LEKR1: variants seen among roughly 807,000 people sequenced by gnomAD.
LEKR1 encodes the protein protein LEKR1.
A neutral mutation model predicts 72.4 loss-of-function variants in LEKR1; 59 were observed. The observed-to-expected ratio is 0.82, with a 90% CI of 0.66 to 1.01. LEKR1 has a LOEUF of 1.01. Among genes scored for constraint, LEKR1 ranks in the 50% least tolerant of loss-of-function variants. The pLI, the probability that LEKR1 is intolerant of heterozygous loss-of-function variation, is 0.00. For missense variants in LEKR1, 728 were observed against 759.2 expected, an observed-to-expected ratio of 0.96 and a Z score of 0.48; for synonymous variants, 257 against 263.2, an observed-to-expected ratio of 0.98 and a Z score of 0.23.
intron 6 of LEKR1, among the ~76,000 whole-genome samples, chr3:156,968,609 A>G (rs1338107043): frequency 6.6e-6 from 1 of 152,174 alleles, no homozygotes. Flanking sequence ...CAGGAGCACC[A>G]AGATTCATAA....
chr3:156,879,725 T>G (rs1040880232), intron 3 of LEKR1, among the ~76,000 whole-genome samples: 9 of 152,164 alleles, frequency 5.9e-5, no homozygotes, highest in African/African-American at 2.2e-4. Context: ...AGGGATTCTG[T>G]GCTGTGTGCA....
intron 9 of LEKR1, among the ~76,000 whole-genome samples, chr3:156,999,680 T>G (rs1731862711): frequency 6.6e-6 from 1 of 152,198 alleles, no homozygotes. Context: ...TACCAAGCCC[T>G]GTGTCCATAG....
At chr3:156,895,896 G>A (rs1461656520) in intron 3 of LEKR1, among the ~76,000 whole-genome samples, 1 of 152,086 alleles carries the variant, frequency 6.6e-6, no homozygotes, top group African/African-American at 2.4e-5. Flanking sequence ...CTATTATAAA[G>A]ACACATGCAC....
rs760485792 is a variant in LEKR1 at position 156,829,317 on chromosome 3, AT to A, written c.-9del. ...TTTGGCTTCAAAGCTCTCTCACCAT[AT>A]TTTGGGAAGTTATGGATCATCACAT... On this transcript the variant is annotated 5_prime_UTR_variant, in exon 2 of 13. Transcript: ENST00000356539. The A allele has an allele frequency of 7.7e-5, 117 of 1,525,494 alleles. No homozygotes were observed. Among genetic ancestry groups the A allele is most frequent in the Non-Finnish European group, 9.4e-5 (107 of 1,137,874 alleles). The allele number at this position is 1,525,494 out of a possible 1,614,324, so 94.5% of individuals were successfully genotyped here. A position where few individuals can be genotyped will look rare whatever the true frequency, so the allele number is the denominator to read the frequency against.
intron 3 of LEKR1, among the ~76,000 whole-genome samples, chr3:156,888,699 C>T (rs1720355213): frequency 6.6e-6 from 1 of 152,094 alleles, no homozygotes; most frequent in African/African-American, 2.4e-5. Context: ...TTCAAGTTTT[C>T]TGTTAAAAGC....
At position 156,930,487 on chromosome 3, in the gene LEKR1, A is replaced by G. The variant is rs142204972; in HGVS notation, c.559+2883A>G. On this transcript the variant is annotated intron_variant, in intron 5 of 12. Transcript: ENST00000356539. ...ATTCATTTTGTTGGACTATATTTGT[A>G]TTTTATGTGACATGGCAGAATATTT... Among the ~76,000 whole-genome samples the G allele has an allele frequency of 5.3e-5, 8 of 152,218 alleles. No homozygotes were observed. In the East Asian group the frequency reaches 1.5e-3, roughly 29 times the overall value.
chr3:156,976,782 C>G (rs1729732145), intron 6 of LEKR1, among the ~76,000 whole-genome samples: 1 of 152,072 alleles, frequency 6.6e-6, no homozygotes, highest in Non-Finnish European at 1.5e-5. Context: ...TCAGGCAGAC[C>G]TGAGTTTGAA....
intron 3 of LEKR1, among the ~76,000 whole-genome samples, chr3:156,911,081 G>C (rs1281724826): frequency 6.6e-6 from 1 of 152,020 alleles, no homozygotes; most frequent in Non-Finnish European, 1.5e-5. Context: ...TTCCTCTAAC[G>C]ACTAGAGATG....
intron 3 of LEKR1, among the ~76,000 whole-genome samples, chr3:156,881,290 A>G (rs1461587127): frequency 6.6e-6 from 1 of 152,140 alleles, no homozygotes; most frequent in East Asian, 1.9e-4. Flanking sequence ...CTGATAAGCA[A>G]CTTCAGCAAA....
chr3:156,993,051 G>A, intron 8 of LEKR1, 23 bp from the exon 9 acceptor site: 1 of 1,326,920 alleles, frequency 7.5e-7, no homozygotes, highest in Non-Finnish European at 1.1e-6. Context: ...ATGTTGGTGG[G>A]TGTTTTTCCT....
At chr3:156,866,486 C>T (rs541440243) in intron 3 of LEKR1, among the ~76,000 whole-genome samples, 7 of 151,980 alleles carry the variant, frequency 4.6e-5, no homozygotes, top group Non-Finnish European at 2.9e-5. Context: ...AATTCTTAGT[C>T]GTTGATGATA....
chr3:156,924,395 A>G (rs1724512761), intron 4 of LEKR1: 2 of 538,406 alleles, frequency 3.7e-6, no homozygotes, highest in Middle Eastern at 4.8e-4. Context: ...TGATTTGCAA[A>G]TATTTTCTCC....
At chr3:156,830,240 G>A (rs541923138) in intron 2 of LEKR1, among the ~76,000 whole-genome samples, 2 of 152,328 alleles carry the variant, frequency 1.3e-5, no homozygotes, top group South Asian at 4.1e-4. Context: ...GATAATCATG[G>A]CCATGTGAGC....
At chr3:157,005,630 CATA>C (rs557981868) in intron 9 of LEKR1, among the ~76,000 whole-genome samples, 60 of 152,080 alleles carry the variant, frequency 3.9e-4, no homozygotes, top group African/African-American at 1.4e-3. Flanking sequence ...TGGAGTTTAT[CATA>C]AGAATATAGG....
intron 10 of LEKR1, among the ~76,000 whole-genome samples, chr3:157,014,294 T>C (rs938930244): frequency 1.3e-5 from 2 of 152,098 alleles, no homozygotes; most frequent in Non-Finnish European, 2.9e-5. Flanking sequence ...ACTAATGACC[T>C]CATTTAAAAT....
rs536052915 is a variant in LEKR1, at chr3:156,836,302, G to A, written c.48+6925G>A. ...TTTTGTGGGTTTCATGAGGAAAACA[G>A]GTTTTTCCCTAAATGGGGCCCGTGG... On this transcript the variant is annotated intron_variant, in intron 2 of 12. Coordinates refer to ENST00000356539, the MANE Select transcript of LEKR1 (RefSeq NM_001004316.3). Among the ~76,000 whole-genome samples, 4 of 152,110 alleles carry A rather than the reference G, an allele frequency of 2.6e-5. No individual in the cohort carries two copies. The South Asian group carries it at 8.3e-4, about 32-fold the overall frequency.
At chr3:156,896,332 C>T (rs1481054126) in intron 3 of LEKR1, among the ~76,000 whole-genome samples, 1 of 151,938 alleles carries the variant, frequency 6.6e-6, no homozygotes, top group Admixed American at 6.6e-5. Flanking sequence ...GCACATCCTG[C>T]ACATGTACCA....
At chr3:157,016,892 A>G (rs1018970949) in intron 10 of LEKR1, among the ~76,000 whole-genome samples, 1 of 152,194 alleles carries the variant, frequency 6.6e-6, no homozygotes, top group African/African-American at 2.4e-5. Flanking sequence ...CCCTAAAATT[A>G]TAGATAATAA....
chr3:157,044,898 T>C (rs1367803849), intron 12 of LEKR1, among the ~76,000 whole-genome samples: 1 of 152,238 alleles, frequency 6.6e-6, no homozygotes, highest in African/African-American at 2.4e-5. Flanking sequence ...GTTATTATAG[T>C]ATACCTTCAC....
Sources: gnomAD v4.1 joint callset for allele counts (sites outside exome capture counted in the v4.1 genomes callset) on GRCh38, gnomAD v4.1.1 for gene constraint, MANE v1.5 for transcripts, NCBI Gene and HGNC (gene_info 2026-07-23, HGNC 2026-07-21) for gene names.